The following DNAAF5 variants were observed in gnomAD, a reference collection of about 807,000 sequenced individuals.
The protein encoded by DNAAF5 is HEAT repeat containing 2.
A neutral mutation model predicts 75.8 loss-of-function variants in DNAAF5; 64 were observed. That is an observed-to-expected ratio of 0.84 (90% CI 0.69 to 1.04). DNAAF5 has a LOEUF of 1.04. DNAAF5 is among the 50% of genes least tolerant of loss of function. The pLI is 0.00. For missense variants in DNAAF5, 1,269 were observed against 1,178.5 expected (o/e 1.08, Z -1.12); for synonymous variants, 657 against 557.2 (o/e 1.18, Z -2.52).
intron 6 of DNAAF5, among the ~76,000 whole-genome samples, chr7:758,526 G>T (rs1039467577): frequency 6.6e-6 from 1 of 152,206 alleles, no homozygotes; most frequent in Admixed American, 6.5e-5. Context: ...CGGCCCTTTG[G>T]CCAAGGAGCC....
chr7:753,986 G>A (rs1469318562), intron 4 of DNAAF5, among the ~76,000 whole-genome samples: 8 of 143,022 alleles, frequency 5.6e-5, no homozygotes, highest in South Asian at 2.4e-4. Context: ...CGATGGCTTC[G>A]CAGGCGTGTG....
At position 775,033 on chromosome 7, in the gene DNAAF5, C is replaced by T. The variant is rs775753275; in HGVS notation, c.2110C>T (p.Pro704Ser). ...QIRDVQETLM[P>S]QVLTTLEEDS... Reference sequence around the variant, plus strand: ...ACGGGACGTGCAGGAAACACTGATGCCCCAGGTCCTGACCACCCTGGAGGA... The same window carrying T: ...ACGGGACGTGCAGGAAACACTGATGTCCCAGGTCCTGACCACCCTGGAGGA... The change falls in exon 11 of 13, where the codon CCC becomes TCC. Residue 704 changes from proline (P) to serine (S), a missense_variant. Physicochemically the swap from Pro to Ser is moderately conservative, Grantham distance 74. Coordinates refer to ENST00000297440, the MANE Select transcript of DNAAF5 (RefSeq NM_017802.4). 1.2e-6 allele frequency: 2 copies of T among 1,613,818 alleles called. No homozygotes were observed. Among genetic ancestry groups the T allele is most frequent in the Non-Finnish European group, 1.7e-6 (2 of 1,179,814 alleles).
chr7:757,753 G>C (rs1782530900), intron 6 of DNAAF5, among the ~76,000 whole-genome samples: 1 of 152,244 alleles, frequency 6.6e-6, no homozygotes, highest in African/African-American at 2.4e-5. Flanking sequence ...CAGCACCCCA[G>C]ATATTTCTGG....
At chr7:783,037 G>A (rs941380680) in intron 12 of DNAAF5, among the ~76,000 whole-genome samples, 1 of 152,258 alleles carries the variant, frequency 6.6e-6, no homozygotes, top group Non-Finnish European at 1.5e-5. Flanking sequence ...GTGGTGGCAG[G>A]GCCAAGCTTT....
chr7:773,034 A>G (rs929818290), intron 9 of DNAAF5: 16 of 151,906 alleles, frequency 1.1e-4, no homozygotes, highest in African/African-American at 3.9e-4. Context: ...CCTGGCCCAC[A>G]CTTGGACCCC....
chr7:769,082 C>T (rs1354971793), intron 8 of DNAAF5: 6 of 719,042 alleles, frequency 8.3e-6, no homozygotes, highest in Non-Finnish European at 1.5e-5. Context: ...GCAGCGAGTA[C>T]ATTGCGTCTC....
intron 9 of DNAAF5, chr7:770,957 G>A: frequency 4.0e-6 from 1 of 247,940 alleles, no homozygotes; most frequent in East Asian, 7.9e-5. Context: ...ATCCTCACTG[G>A]GTAAACACAA....
chr7:742,922 TCAAATCAGATGCACAGCC>T (rs1781960151), intron 4 of DNAAF5, among the ~76,000 whole-genome samples: 1 of 152,178 alleles, frequency 6.6e-6, no homozygotes, highest in Non-Finnish European at 1.5e-5. Context: ...CATTCCCAGC[TCAAATCAGATGCACAGCC>T]CAAATCAGAT....
At chr7:773,928 T>C in intron 9 of DNAAF5, 120 bp from the exon 10 acceptor site, 1 of 1,144,884 alleles carries the variant, frequency 8.7e-7, no homozygotes, top group Non-Finnish European at 1.3e-6. Context: ...GCCTCGTGTT[T>C]TGGGGTCGAG....
At chr7:776,167 C>T (rs1411006911) in intron 11 of DNAAF5, among the ~76,000 whole-genome samples, 1 of 152,028 alleles carries the variant, frequency 6.6e-6, no homozygotes, top group African/African-American at 2.4e-5. Context: ...GTGACCCTGT[C>T]TCTACTAAAA....
At position 753,525 on chromosome 7, in the gene DNAAF5, C is replaced by T. The variant is rs921497575; in HGVS notation, c.1025-1064C>T. On this transcript the variant is annotated intron_variant, in intron 4 of 12. Coordinates refer to ENST00000297440, the MANE Select transcript of DNAAF5 (RefSeq NM_017802.4). ...GTCACCCCCACCATGCCGATGGCTT[C>T]GCAGCCGTGTCTCTCATATGGCGAT... Among the ~76,000 whole-genome samples the T allele has an allele frequency of 7.9e-5, 12 of 152,368 alleles. No homozygotes were observed. The East Asian group carries it at 1.9e-3, about 24-fold the overall frequency.
rs1209538602 is a variant in DNAAF5, at chr7:727,100, G to T, written c.380G>T (p.Gly127Val). 2 of 1,078,486 alleles carry T rather than the reference G, an allele frequency of 1.9e-6. No individual in the cohort carries two copies. Among genetic ancestry groups the T allele is most frequent in the Non-Finnish European group, 2.2e-6 (2 of 893,610 alleles). 66.8% of individuals were successfully genotyped at this position (1,078,486 alleles called of 1,614,324 possible). A position where few individuals can be genotyped will look rare whatever the true frequency, so the allele number is the denominator to read the frequency against. Residue 127 changes from glycine (G) to valine (V), a missense_variant, in exon 1 of 13, where the codon GGC becomes GTC. By Grantham distance (109) the Gly-to-Val change is moderately radical (BLOSUM62 -3). Coordinates refer to ENST00000297440, the MANE Select transcript of DNAAF5 (RefSeq NM_017802.4). ...LLPALAARLAGPVPARRPPEA... is the reference protein window; with the variant it reads ...LLPALAARLAVPVPARRPPEA... ...CCCGCGCTCGCCGCGCGCTTGGCCGGCCCCGTGCCCGCGCGCCGCCCGCCC... is the reference window on the plus strand; with the variant it reads ...CCCGCGCTCGCCGCGCGCTTGGCCGTCCCCGTGCCCGCGCGCCGCCCGCCC...
chr7:746,987 C>A lies in DNAAF5; in HGVS notation c.1024+5522C>A, dbSNP rs530311210. Among the ~76,000 whole-genome samples, 5 of 152,348 alleles carry A rather than the reference C, an allele frequency of 3.3e-5. No homozygotes were observed. The South Asian group carries it at 1.0e-3, about 32-fold the overall frequency. On this transcript the variant is annotated intron_variant, in intron 4 of 12. Transcript: ENST00000297440. Reference sequence around the variant, plus strand: ...CTGTGTCTGCAGCACTTTCCTTCTTCGCGTGAGTCACGTTCCCTCCCGTGG... The same window carrying A: ...CTGTGTCTGCAGCACTTTCCTTCTTAGCGTGAGTCACGTTCCCTCCCGTGG...
In DNAAF5 at chr7:775,048, A is replaced by C; in HGVS notation, c.2125A>C (p.Thr709Pro). 6.2e-7 allele frequency: 1 copy of C among 1,613,852 alleles called. No individual in the cohort carries two copies. The highest frequency in any genetic ancestry group is 1.3e-5 in the African/African-American group (1 of 74,986). The change falls in exon 11 of 13, where the codon ACC becomes CCC. Residue 709 changes from threonine to proline, a missense_variant. Coordinates refer to ENST00000297440, the MANE Select transcript of DNAAF5 (RefSeq NM_017802.4). Reference sequence around the variant, plus strand: ...AACACTGATGCCCCAGGTCCTGACCACCCTGGAGGAGGATTCGAAGATGAC... The same window carrying C: ...AACACTGATGCCCCAGGTCCTGACCCCCCTGGAGGAGGATTCGAAGATGAC... ...QETLMPQVLTTLEEDSKMTRL... is the reference protein window; with the variant it reads ...QETLMPQVLTPLEEDSKMTRL...
At chr7:769,244 C>G (rs752639551) in intron 8 of DNAAF5, 16 of 747,254 alleles carry the variant, frequency 2.1e-5, no homozygotes, top group Middle Eastern at 2.3e-4. Context: ...TGGACGCTCC[C>G]TCTACACTGG....
intron 11 of DNAAF5, among the ~76,000 whole-genome samples, chr7:776,826 AACCAG>A (rs1778776893): frequency 1.3e-5 from 2 of 152,208 alleles, no homozygotes; most frequent in Admixed American, 1.3e-4. Flanking sequence ...TCCTGTTAGG[AACCAG>A]ACTGCACAGC....
chr7:763,325 C>A (rs1475860712), intron 7 of DNAAF5, among the ~76,000 whole-genome samples: 1 of 152,194 alleles, frequency 6.6e-6, no homozygotes, highest in African/African-American at 2.4e-5. Context: ...TTCCTCTGTT[C>A]CTAAGCCCCC....
intron 5 of DNAAF5, among the ~76,000 whole-genome samples, chr7:755,687 C>T (rs986478297): frequency 6.6e-6 from 1 of 152,086 alleles, no homozygotes; most frequent in Non-Finnish European, 1.5e-5. Context: ...GCTATGATTG[C>T]GCCACTACTC....
Position 728,995 on chromosome 7 carries a change from C to CA in DNAAF5, c.596-668_596-667insA, listed in dbSNP as rs1781465589. Among the ~76,000 whole-genome samples, 4 of 125,566 alleles carry CA rather than the reference C, an allele frequency of 3.2e-5. No individual in the cohort carries two copies. The Admixed American group carries it at 3.3e-4, about 10-fold the overall frequency. The allele number at this position is 125,566 out of a possible 152,430, so 82.4% of individuals were successfully genotyped here. A position where few individuals can be genotyped will look rare whatever the true frequency, so the allele number is the denominator to read the frequency against. ...GATGCCAGAGACCCTTTGGTTCTGA[C>CA]TTTTTTTTTTTTTTTTTTTGAGACA... On this transcript the variant is annotated intron_variant, in intron 1 of 12. Transcript: ENST00000297440.
Sources: gnomAD v4.1 joint callset for allele counts (sites outside exome capture counted in the v4.1 genomes callset) on GRCh38, gnomAD v4.1.1 for gene constraint, MANE v1.5 for transcripts, NCBI Gene and HGNC (gene_info 2026-07-23, HGNC 2026-07-21) for gene names.